BAHCC1: variants seen among roughly 807,000 people sequenced by gnomAD.
BAHCC1 encodes BAH and coiled-coil domain-containing protein 1.
BAHCC1 carries 43 observed loss-of-function variants against 88.2 expected under a neutral mutation model. The ratio of observed to expected loss-of-function variants is 0.49; its 90% CI spans 0.38 to 0.63. The LOEUF (loss-of-function observed/expected upper bound fraction) is 0.63, where lower values mean the gene tolerates loss of function less well. BAHCC1 is among the 20% of genes least tolerant of loss of function. The pLI is 0.00. For synonymous variants in BAHCC1, 1,510 were observed against 745.5 expected, an observed-to-expected ratio of 2.03 and a Z score of -16.71; for missense variants, 3,023 against 1,654.8, an observed-to-expected ratio of 1.83 and a Z score of -14.34.
intron 4 of BAHCC1, 68 bp from the exon 5 acceptor site, chr17:81,441,763 G>A: frequency 2.0e-6 from 1 of 505,766 alleles, no homozygotes; most frequent in Non-Finnish European, 3.6e-6. Flanking sequence ...TGGAGCACCT[G>A]TCTCAGGGAG....
At chr17:81,455,132 T>A in intron 14 of BAHCC1, 135 bp from the exon 15 acceptor site, 1 of 622,692 alleles carries the variant, frequency 1.6e-6, no homozygotes. Flanking sequence ...CCTCACCCCC[T>A]GCTCTGTCTG....
chr17:81,442,479 G>T lies in BAHCC1; in HGVS notation c.1130G>T (p.Cys377Phe). The T allele has an allele frequency of 1.4e-6, 1 of 724,070 alleles. No individual in the cohort carries two copies. Among genetic ancestry groups the T allele is most frequent in the South Asian group, 1.5e-5 (1 of 67,732 alleles). The allele number at this position is 724,070 out of a possible 1,614,324, so 44.9% of individuals were successfully genotyped here. A position where few individuals can be genotyped will look rare whatever the true frequency, so the allele number is the denominator to read the frequency against. Residue 377 changes from cysteine to phenylalanine, a missense_variant, in exon 5 of 28, where the codon TGC (cysteine) becomes TTC (phenylalanine). Coordinates refer to ENST00000675386, the MANE Select transcript of BAHCC1 (RefSeq NM_001377448.1). Reference sequence around the variant, plus strand: ...CTGCACGGGGGCCCTGACGGGCTCTGCCCGCTGCAGGACAAAGCCCCCCGG... The same window carrying T: ...CTGCACGGGGGCCCTGACGGGCTCTTCCCGCTGCAGGACAAAGCCCCCCGG... Reference protein sequence around the residue: ...LQLHGGPDGLCPLQDKAPRDL... With the variant: ...LQLHGGPDGLFPLQDKAPRDL...
chr17:81,446,887 G>A (rs1025270483), intron 10 of BAHCC1, 149 bp from the exon 11 acceptor site: 24 of 667,440 alleles, frequency 3.6e-5, no homozygotes, highest in African/African-American at 1.8e-4. Context: ...CCCTTTCCCC[G>A]CCACCAGTCT....
rs782719472 is a variant in BAHCC1, at chr17:81,443,536, G to T, written c.2187G>T (p.Arg729=). The T allele has an allele frequency of 1.1e-5, 7 of 656,152 alleles. No homozygotes were observed. Among genetic ancestry groups the T allele is most frequent in the Non-Finnish European group, 2.0e-5 (7 of 358,688 alleles). 40.6% of individuals were successfully genotyped at this position (656,152 alleles called of 1,614,324 possible). A position where few individuals can be genotyped will look rare whatever the true frequency, so the allele number is the denominator to read the frequency against. ...SEAAYGTNTA[R]QGRAAPAFKG... is the part of the protein sequence containing the mutation. Reference sequence around the variant, plus strand: ...CAGCCTACGGCACCAACACTGCGCGGCAGGGCCGGGCCGCCCCCGCCTTCA... The same window carrying T: ...CAGCCTACGGCACCAACACTGCGCGTCAGGGCCGGGCCGCCCCCGCCTTCA... The change falls in exon 5 of 28, where the codon CGG becomes CGT. Residue 729 remains arginine, a synonymous_variant. Coordinates refer to ENST00000675386, the MANE Select transcript of BAHCC1 (RefSeq NM_001377448.1).
chr17:81,444,129 C>G (rs2064477041), intron 6 of BAHCC1: 1 of 602,920 alleles, frequency 1.7e-6, no homozygotes. Context: ...GTCAGGTTAC[C>G]CACTTTCAGG....
chr17:81,420,945 G>A (rs1291008343), intron 2 of BAHCC1, among the ~76,000 whole-genome samples: 4 of 152,240 alleles, frequency 2.6e-5, no homozygotes, highest in African/African-American at 4.8e-5. Context: ...AGCCCCCAGC[G>A]GAGCACTTGG....
intron 6 of BAHCC1, 82 bp from the exon 7 acceptor site, chr17:81,444,299 T>C: frequency 6.4e-6 from 4 of 621,854 alleles, no homozygotes; most frequent in South Asian, 4.8e-5. Context: ...CCCCAGGTCT[T>C]ACAGAGACAA....
At position 81,442,009 on chromosome 17, in the gene BAHCC1, G is replaced by A. The variant is rs1335460508; in HGVS notation, c.660G>A (p.Val220=). The change falls in exon 5 of 28, where the codon GTG becomes GTA. Residue 220 remains valine, a synonymous_variant. Transcript: ENST00000675386. The part of the protein sequence containing the change: ...KGPKDFDRFL[V]GKELGREKAG... ...CCAAGGACTTCGACCGCTTCCTCGT[G>A]GGCAAAGAGCTGGGCAGAGAGAAGG... is the stretch of plus-strand genomic sequence containing the variant. 1 of 740,320 alleles carries A rather than the reference G, an allele frequency of 1.4e-6. No individual in the cohort carries two copies. The highest frequency in any genetic ancestry group is 2.5e-6 in the Non-Finnish European group (1 of 394,070). The allele number at this position is 740,320 out of a possible 1,614,324, so 45.9% of individuals were successfully genotyped here. A position where few individuals can be genotyped will look rare whatever the true frequency, so the allele number is the denominator to read the frequency against.
chr17:81,459,687 G>A (rs1343787434), intron 23 of BAHCC1, 83 bp downstream of exon 23: 13 of 749,806 alleles, frequency 1.7e-5, no homozygotes, highest in Admixed American at 7.3e-5. Flanking sequence ...CCTGGCTTCC[G>A]AGGCTGGCGA....
chr17:81,443,965 T>TG lies in BAHCC1; in HGVS notation c.2324+52dup, dbSNP rs782054857. 133 of 698,912 alleles carry TG rather than the reference T, an allele frequency of 1.9e-4. 1 individual carries two copies. Among genetic ancestry groups the TG allele is most frequent in the Non-Finnish European group, 3.1e-4 (118 of 381,366 alleles). The allele number at this position is 698,912 out of a possible 1,614,324, so 43.3% of individuals were successfully genotyped here. On this transcript the variant is annotated intron_variant, in intron 6 of 27. Coordinates refer to ENST00000675386, the MANE Select transcript of BAHCC1 (RefSeq NM_001377448.1). Reference sequence around the variant, plus strand: ...TGGAGAGTGGGGCTAGGCCTGGGCTTGGGGCTCCCCACTCAGAGCCACGTG... The same window carrying TG: ...TGGAGAGTGGGGCTAGGCCTGGGCTTGGGGGCTCCCCACTCAGAGCCACGTG...
intron 8 of BAHCC1, 61 bp from the exon 9 acceptor site, chr17:81,444,954 A>G: frequency 1.5e-6 from 1 of 684,176 alleles, no homozygotes. Flanking sequence ...GGTGGCGGGG[A>G]AGCAGCCCCG....
At chr17:81,463,553 T>G in intron 27 of BAHCC1, 58 bp from the exon 28 acceptor site, 1 of 770,554 alleles carries the variant, frequency 1.3e-6, no homozygotes, top group East Asian at 2.4e-5. Context: ...CTTTCCTGGC[T>G]GGGCAGGGGC....
Position 81,410,221 on chromosome 17 carries a change from C to G in BAHCC1, c.178+10304C>G, listed in dbSNP as rs530059583. Reference sequence around the variant, plus strand: ...GGCACATGGCCTGTGCACGCCCCTTCCCTGGCGGAGACTCAGAGGCCTGGG... The same window carrying G: ...GGCACATGGCCTGTGCACGCCCCTTGCCTGGCGGAGACTCAGAGGCCTGGG... On this transcript the variant is annotated intron_variant, in intron 2 of 27. Coordinates refer to ENST00000675386, the MANE Select transcript of BAHCC1 (RefSeq NM_001377448.1). The G allele has an allele frequency of 1.4e-3, 243 of 169,840 alleles. 1 individual carries two copies. The highest frequency in any genetic ancestry group is 5.6e-3 in the African/African-American group (232 of 41,754). 10.5% of individuals were successfully genotyped at this position (169,840 alleles called of 1,614,324 possible). A position where few individuals can be genotyped will look rare whatever the true frequency, so the allele number is the denominator to read the frequency against.
intron 1 of BAHCC1, among the ~76,000 whole-genome samples, chr17:81,398,436 C>T (rs2063768201): frequency 6.6e-6 from 1 of 152,224 alleles, no homozygotes; most frequent in African/African-American, 2.4e-5. Context: ...CCGGGCCCAC[C>T]TTCCCCGGCT....
chr17:81,444,879 G>C, intron 8 of BAHCC1, 53 bp downstream of exon 8: 1 of 724,924 alleles, frequency 1.4e-6, no homozygotes, highest in Non-Finnish European at 2.5e-6. Context: ...TTGGAAGGAG[G>C]GGCAGCCGGG....
rs182689404 is a variant in BAHCC1 at position 81,459,693 on chromosome 17, G to T, written c.5905+89G>T. 1,022 of 744,082 alleles carry T rather than the reference G, an allele frequency of 1.4e-3. 12 individuals carry two copies. Among genetic ancestry groups the T allele is most frequent in the Middle Eastern group, 9.2e-4 (4 of 4,344 alleles). The allele number at this position is 744,082 out of a possible 1,614,324, so 46.1% of individuals were successfully genotyped here. ...CCCCAACAGCCTGGCTTCCGAGGCT[G>T]GCGAGGGCAGAACCAGCTCTCTGCT... On this transcript the variant is annotated intron_variant, in intron 23 of 27. Transcript: ENST00000675386.
rs1302400291 is a variant in BAHCC1 at position 81,399,424 on chromosome 17, G to C, written c.-206-110G>C. On this transcript the variant is annotated intron_variant, in intron 1 of 27. Coordinates refer to ENST00000675386, the MANE Select transcript of BAHCC1 (RefSeq NM_001377448.1). This position sits in a 1 kb window ranked among gnomAD's most constrained non-coding sequence, Gnocchi z 4.5. ...CACCCGGCCTGGCCGCCGCTCGCTC[G>C]GGCCGGCGGGGGTGGGGGGTGGGGG... 2.1e-5 allele frequency: 3 copies of C among 144,416 alleles called. No individual in the cohort carries two copies. The highest frequency in any genetic ancestry group is 3.1e-5 in the Non-Finnish European group (2 of 64,894). The allele number at this position is 144,416 out of a possible 1,614,324, so 8.9% of individuals were successfully genotyped here. A position where few individuals can be genotyped will look rare whatever the true frequency, so the allele number is the denominator to read the frequency against.
rs2064458013 is a variant in BAHCC1, at chr17:81,443,251, G to A, written c.1902G>A (p.Lys634=). Residue 634 remains lysine, a synonymous_variant, in exon 5 of 28, where the codon AAG becomes AAA. Coordinates refer to ENST00000675386, the MANE Select transcript of BAHCC1 (RefSeq NM_001377448.1). ...CGCCGGACGAGGTCTCAGCCATGAA[G>A]AACCTGCTCAAATACAGCAGCCAGG... The part of the protein sequence containing the change: ...PAPPDEVSAM[K]NLLKYSSQAL... The A allele has an allele frequency of 3.8e-6, 3 of 779,502 alleles. No homozygotes were observed. The highest frequency in any genetic ancestry group is 1.7e-5 in the Admixed American group (1 of 59,040). The allele number at this position is 779,502 out of a possible 1,614,324, so 48.3% of individuals were successfully genotyped here.
Position 81,399,595 on chromosome 17 carries a change from C to T in BAHCC1, c.-145C>T, listed in dbSNP as rs1417227454. The T allele has an allele frequency of 8.2e-6, 4 of 490,162 alleles. No individual in the cohort carries two copies. Among genetic ancestry groups the T allele is most frequent in the Admixed American group, 6.4e-5 (2 of 31,302 alleles). 30.4% of individuals were successfully genotyped at this position (490,162 alleles called of 1,614,324 possible). Reference sequence around the variant, plus strand: ...CGGCCGCCCGCCGAGAAGCCCAGTCCTCCCGCGTGCTGACCGGCCCCGCCG... The same window carrying T: ...CGGCCGCCCGCCGAGAAGCCCAGTCTTCCCGCGTGCTGACCGGCCCCGCCG... On this transcript the variant is annotated 5_prime_UTR_variant, in exon 2 of 28. Transcript: ENST00000675386. This position sits in a 1 kb window ranked among gnomAD's most constrained non-coding sequence, Gnocchi z 4.5.
Sources: allele counts gnomAD v4.1 joint callset (sites outside exome capture counted in the v4.1 genomes callset), GRCh38; gene constraint gnomAD v4.1.1; non-coding constraint Gnocchi (gnomAD v3.1); transcripts MANE v1.5; gene names NCBI Gene and HGNC (gene_info 2026-07-23, HGNC 2026-07-21).